Variants in THSD7A observed in about 807,000 individuals in gnomAD.
THSD7A encodes the protein thrombospondin type 1 domain containing 7A, also known as thrombospondin type-1 domain-containing protein 7A.
THSD7A carries 96 observed loss-of-function variants against 231.3 expected under a neutral mutation model. That is an observed-to-expected ratio of 0.41 (90% CI 0.35 to 0.49). The LOEUF (loss-of-function observed/expected upper bound fraction) is 0.49. THSD7A is among the 20% of genes least tolerant of loss of function. The pLI is 0.05. For missense variants in THSD7A, 2,290 were observed against 2,070.2 expected, an observed-to-expected ratio of 1.11 and a Z score of -2.06; for synonymous variants, 940 against 743.3, an observed-to-expected ratio of 1.26 and a Z score of -4.30.
At chr7:11,782,481 G>T (rs372739517) in intron 1 of THSD7A, among the ~76,000 whole-genome samples, 27 of 152,232 alleles carry the variant, frequency 1.8e-4, no homozygotes, top group African/African-American at 6.0e-4. Context: ...TTACCGAAAT[G>T]AATTGCAAAT....
intron 4 of THSD7A, among the ~76,000 whole-genome samples, chr7:11,564,268 C>A (rs1309534390): frequency 6.6e-6 from 1 of 152,160 alleles, no homozygotes; most frequent in East Asian, 1.9e-4. Context: ...GTCGAAAACA[C>A]TGCTGGTGAG....
chr7:11,675,031 G>A (rs1783580381), intron 1 of THSD7A, among the ~76,000 whole-genome samples: 1 of 152,148 alleles, frequency 6.6e-6, no homozygotes, highest in Admixed American at 6.5e-5. Flanking sequence ...GACCAACACG[G>A]AAGGTGGGTG....
intron 4 of THSD7A, among the ~76,000 whole-genome samples, chr7:11,549,097 C>T (rs535186669): frequency 6.6e-6 from 1 of 152,198 alleles, no homozygotes; most frequent in East Asian, 1.9e-4. Context: ...CATGAAAAGA[C>T]ACTTCTCAAA....
intron 1 of THSD7A, among the ~76,000 whole-genome samples, chr7:11,666,841 G>A (rs10236271): frequency 0.036 from 5,522 of 151,852 alleles, 338 homozygotes; most frequent in African/African-American, 0.13. Context: ...TTAGCTAAAG[G>A]AGACATTAAA....
At chr7:11,562,550 G>A (rs1018503335) in intron 4 of THSD7A, among the ~76,000 whole-genome samples, 4 of 151,530 alleles carry the variant, frequency 2.6e-5, no homozygotes, top group Middle Eastern at 3.2e-3. Context: ...TTCCTTAAAC[G>A]AACTTATTTG....
chr7:11,531,948 G>A (rs57445589), intron 6 of THSD7A, among the ~76,000 whole-genome samples: 12,541 of 152,180 alleles, frequency 0.082, 798 homozygotes, highest in East Asian at 0.18. Context: ...AAAAGGTATA[G>A]TCTATTCCAC....
chr7:11,476,584 A>T (rs962292364), intron 7 of THSD7A, among the ~76,000 whole-genome samples: 2 of 152,082 alleles, frequency 1.3e-5, no homozygotes, highest in Admixed American at 6.6e-5. Context: ...TAGGGGGCCA[A>T]GGTGGGCAGA....
At position 11,632,673 on chromosome 7, in the gene THSD7A, T is replaced by C. The variant is rs996586653; in HGVS notation, c.1022+3457A>G. On this transcript the variant is annotated intron_variant, in intron 2 of 27. Transcript: ENST00000423059. This position sits in a 1 kb window ranked among gnomAD's most constrained non-coding sequence, Gnocchi z 4.1. The stretch of plus-strand genomic sequence containing the variant: ...TTTACTTTAAAGAGAATGCTTCTAA[T>C]GTTTCACAGTTGAGCACCGTCCCAG... 4.6e-5 allele frequency among the ~76,000 whole-genome samples: 7 copies of C among 152,214 alleles called. No homozygotes were observed. Among genetic ancestry groups the C allele is most frequent in the African/African-American group, 1.2e-4 (5 of 41,462 alleles).
At position 11,446,370 on chromosome 7, in the gene THSD7A, C is replaced by G. The variant is rs1282310149; in HGVS notation, c.2801-46G>C. 6.4e-7 allele frequency: 1 copy of G among 1,565,384 alleles called. No individual in the cohort carries two copies. The highest frequency in any genetic ancestry group is 1.4e-5 in the African/African-American group (1 of 73,248). ...GGCAATTTAAGTTGGAAAATACCAT[C>G]ATTAATTTCACACATCCCTAAATTT... On this transcript the variant is annotated intron_variant, in intron 12 of 27. Coordinates refer to ENST00000423059, the MANE Select transcript of THSD7A (RefSeq NM_015204.3). This position sits in a 1 kb window ranked among gnomAD's most constrained non-coding sequence, Gnocchi z 4.0.
chr7:11,424,967 C>A, intron 15 of THSD7A, 138 bp from the exon 16 acceptor site: 1 of 1,069,274 alleles, frequency 9.4e-7, no homozygotes, highest in African/African-American at 1.6e-5. Flanking sequence ...TCTAACATTG[C>A]AATAGAGAGA....
intron 1 of THSD7A, among the ~76,000 whole-genome samples, chr7:11,826,830 A>C (rs971487899): frequency 1.5e-5 from 2 of 132,040 alleles, no homozygotes; most frequent in Admixed American, 1.6e-4. Context: ...AAAAAAAAAA[A>C]AAATGCAAAT....
intron 2 of THSD7A, among the ~76,000 whole-genome samples, chr7:11,594,239 T>C (rs1211436983): frequency 6.6e-6 from 1 of 152,180 alleles, no homozygotes; most frequent in Non-Finnish European, 1.5e-5. Flanking sequence ...AGATGGCCTA[T>C]TGTGGGACCT....
chr7:11,562,078 T>G (rs945922944), intron 4 of THSD7A, among the ~76,000 whole-genome samples: 3 of 152,156 alleles, frequency 2.0e-5, no homozygotes, highest in African/African-American at 7.2e-5. Context: ...AACAGACTAT[T>G]TGGTTATTTT....
At chr7:11,591,669 T>C (rs889424440) in intron 3 of THSD7A, among the ~76,000 whole-genome samples, 1 of 152,182 alleles carries the variant, frequency 6.6e-6, no homozygotes, top group Non-Finnish European at 1.5e-5. Flanking sequence ...GATTTGTTGC[T>C]TAACGAATTG....
chr7:11,478,498 C>A lies in THSD7A; in HGVS notation c.2017+3290G>T, dbSNP rs541696150. On this transcript the variant is annotated intron_variant, in intron 7 of 27. Transcript: ENST00000423059. ...CCAACAGACCTCCTATCTGCTGGCA[C>A]AGATGCCCAGCTGCTTGGCTTTACC... 4.6e-5 allele frequency among the ~76,000 whole-genome samples: 7 copies of A among 152,228 alleles called. No individual in the cohort carries two copies. The East Asian group carries it at 1.4e-3, about 29-fold the overall frequency.
chr7:11,580,700 T>C (rs939905729), intron 4 of THSD7A, among the ~76,000 whole-genome samples: 1 of 151,732 alleles, frequency 6.6e-6, no homozygotes, highest in African/African-American at 2.4e-5. Context: ...CATGGACACA[T>C]AGAGGGGAAC....
At chr7:11,779,265 T>C (rs528197753) in intron 1 of THSD7A, among the ~76,000 whole-genome samples, 1 of 152,282 alleles carries the variant, frequency 6.6e-6, no homozygotes, top group African/African-American at 2.4e-5. Context: ...GTCCACTTTG[T>C]TCAATGTTAA....
chr7:11,707,265 C>T (rs1780799912), intron 1 of THSD7A, among the ~76,000 whole-genome samples: 1 of 150,882 alleles, frequency 6.6e-6, no homozygotes, highest in South Asian at 2.1e-4. Context: ...TAAATCACAG[C>T]AGTCACAGTG....
At chr7:11,485,405 G>A (rs1464553296) in intron 6 of THSD7A, among the ~76,000 whole-genome samples, 1 of 152,164 alleles carries the variant, frequency 6.6e-6, no homozygotes, top group African/African-American at 2.4e-5. Flanking sequence ...TTCACACAGA[G>A]TATCCATGGC....
Sources: allele counts gnomAD v4.1 joint callset (sites outside exome capture counted in the v4.1 genomes callset), GRCh38; gene constraint gnomAD v4.1.1; non-coding constraint Gnocchi (gnomAD v3.1); transcripts MANE v1.5; gene names NCBI Gene and HGNC (gene_info 2026-07-23, HGNC 2026-07-21).